Variants in SYNDIG1 observed in about 807,000 individuals in gnomAD.
The protein encoded by SYNDIG1 is synapse differentiation-inducing gene protein 1.
Under a neutral mutation model 19.4 loss-of-function variants are expected in SYNDIG1, and 9 were observed. The ratio of observed to expected loss-of-function variants is 0.46; its 90% confidence interval spans 0.28 to 0.81. The LOEUF is 0.81. SYNDIG1 is among the 30% of genes least tolerant of loss of function. SYNDIG1 has a pLI of 0.12. For synonymous variants in SYNDIG1, 141 were observed against 145.9 expected (o/e 0.97, Z 0.24); for missense variants, 311 against 343.3 (o/e 0.91, Z 0.74).
At chr20:24,571,237 C>G (rs535963849) in intron 2 of SYNDIG1, among the ~76,000 whole-genome samples, 2 of 152,300 alleles carry the variant, frequency 1.3e-5, no homozygotes, top group African/African-American at 4.8e-5. Context: ...CTACACACTG[C>G]AAACACACAC....
intron 3 of SYNDIG1, among the ~76,000 whole-genome samples, chr20:24,599,468 A>T (rs2058645670): frequency 6.6e-6 from 1 of 152,238 alleles, no homozygotes. Context: ...TTGACCCAGC[A>T]ATCCCACTAC....
intron 3 of SYNDIG1, among the ~76,000 whole-genome samples, chr20:24,593,041 C>T (rs552347547): frequency 6.6e-6 from 1 of 152,218 alleles, no homozygotes; most frequent in Admixed American, 6.5e-5. Context: ...ACACTCTGGC[C>T]CACTGCTGCT....
intron 1 of SYNDIG1, among the ~76,000 whole-genome samples, chr20:24,531,407 C>T (rs2057256379): frequency 6.6e-6 from 1 of 151,542 alleles, no homozygotes. Flanking sequence ...GTAGGGTGGG[C>T]GAGACATAGA....
intron 2 of SYNDIG1, among the ~76,000 whole-genome samples, chr20:24,578,969 C>T (rs573274818): frequency 1.3e-5 from 2 of 152,310 alleles, no homozygotes; most frequent in East Asian, 1.9e-4. Context: ...TGAGAGTGGC[C>T]GGCACGCAGG....
chr20:24,559,978 T>C (rs6036838), intron 2 of SYNDIG1, among the ~76,000 whole-genome samples: 1 of 150,924 alleles, frequency 6.6e-6, no homozygotes, highest in Non-Finnish European at 1.5e-5. Flanking sequence ...CTTGAATCTA[T>C]AACTTTTTTC....
At chr20:24,625,789 C>T (rs1045893035) in intron 3 of SYNDIG1, among the ~76,000 whole-genome samples, 1 of 152,256 alleles carries the variant, frequency 6.6e-6, no homozygotes, top group Non-Finnish European at 1.5e-5. Context: ...AGCAACCATC[C>T]AATTTCTCAA....
At position 24,585,004 on chromosome 20, in the gene SYNDIG1, C is replaced by T. The variant is rs924832515; in HGVS notation, c.618+11C>T. ...TACTTGTCCCATGAGGTAAGGCCTCCTTGGTCTGTCGCACGTGGTGTGCAG... is the reference window on the plus strand; with the variant it reads ...TACTTGTCCCATGAGGTAAGGCCTCTTTGGTCTGTCGCACGTGGTGTGCAG... On this transcript the variant is annotated intron_variant, in intron 3 of 3. Coordinates refer to ENST00000376862, the MANE Select transcript of SYNDIG1 (RefSeq NM_024893.3). 1 of 1,495,956 alleles carries T rather than the reference C, an allele frequency of 6.7e-7. No individual in the cohort carries two copies. Among genetic ancestry groups the T allele is most frequent in the African/African-American group, 1.4e-5 (1 of 69,470 alleles). 92.7% of individuals were successfully genotyped at this position (1,495,956 alleles called of 1,614,324 possible). A position where few individuals can be genotyped will look rare whatever the true frequency, so the allele number is the denominator to read the frequency against.
chr20:24,537,301 A>T (rs1224427324), intron 1 of SYNDIG1, among the ~76,000 whole-genome samples: 1 of 152,236 alleles, frequency 6.6e-6, no homozygotes, highest in African/African-American at 2.4e-5. Context: ...AATGAATCAC[A>T]TGCACCCATC....
At chr20:24,567,372 C>T (rs547992408) in intron 2 of SYNDIG1, among the ~76,000 whole-genome samples, 1 of 152,180 alleles carries the variant, frequency 6.6e-6, no homozygotes, top group African/African-American at 2.4e-5. Flanking sequence ...ACCTGGCTGT[C>T]TCATTTTAAG....
At chr20:24,569,888 A>T (rs1208334205) in intron 2 of SYNDIG1, among the ~76,000 whole-genome samples, 1 of 152,220 alleles carries the variant, frequency 6.6e-6, no homozygotes, top group Non-Finnish European at 1.5e-5. Context: ...GTAGAACCTA[A>T]GTGATGAATA....
chr20:24,635,718 C>T (rs2059308354), intron 3 of SYNDIG1, among the ~76,000 whole-genome samples: 2 of 152,270 alleles, frequency 1.3e-5, no homozygotes, highest in Middle Eastern at 3.4e-3. Context: ...TCTTGTTTTT[C>T]AGAGCACCCT....
chr20:24,622,226 A>G (rs2059050501), intron 3 of SYNDIG1, among the ~76,000 whole-genome samples: 1 of 152,262 alleles, frequency 6.6e-6, no homozygotes, highest in African/African-American at 2.4e-5. Flanking sequence ...CAAAGAAATG[A>G]ATAATTTTTT....
At chr20:24,664,085 G>A (rs959772304) in intron 3 of SYNDIG1, among the ~76,000 whole-genome samples, 1 of 151,994 alleles carries the variant, frequency 6.6e-6, no homozygotes, top group Non-Finnish European at 1.5e-5. Flanking sequence ...AAAAAGTTGG[G>A]GAGGAAAAAA....
chr20:24,497,893 A>G (rs1220822824), intron 1 of SYNDIG1, among the ~76,000 whole-genome samples: 1 of 152,244 alleles, frequency 6.6e-6, no homozygotes, highest in East Asian at 1.9e-4. Context: ...ATGGAAAACA[A>G]TGGCTAAGTG....
At chr20:24,601,081 T>G (rs985585918) in intron 3 of SYNDIG1, among the ~76,000 whole-genome samples, 3 of 152,248 alleles carry the variant, frequency 2.0e-5, no homozygotes, top group Non-Finnish European at 4.4e-5. Flanking sequence ...AAGCTTTTTG[T>G]GCAAATGGAA....
At chr20:24,473,277 A>C (rs1195469386) in intron 1 of SYNDIG1, among the ~76,000 whole-genome samples, 1 of 152,202 alleles carries the variant, frequency 6.6e-6, no homozygotes, top group African/African-American at 2.4e-5. Flanking sequence ...CACTGATAGA[A>C]GTTTTTGGAG....
chr20:24,476,397 G>C (rs968728446), intron 1 of SYNDIG1, among the ~76,000 whole-genome samples: 1 of 152,120 alleles, frequency 6.6e-6, no homozygotes, highest in African/African-American at 2.4e-5. Context: ...GCCGGGCGCG[G>C]TGGCTTACGC....
intron 3 of SYNDIG1, among the ~76,000 whole-genome samples, chr20:24,646,135 C>A (rs1487690593): frequency 6.6e-6 from 1 of 152,180 alleles, no homozygotes; most frequent in African/African-American, 2.4e-5. Context: ...TCAAGTCCAG[C>A]ATCTCATTTT....
chr20:24,622,822 A>G (rs1387536361), intron 3 of SYNDIG1, among the ~76,000 whole-genome samples: 2 of 152,226 alleles, frequency 1.3e-5, no homozygotes, highest in African/African-American at 4.8e-5. Context: ...AATATTAGTC[A>G]TAGACACCAA....
Sources: gnomAD v4.1 joint callset for allele counts (sites outside exome capture counted in the v4.1 genomes callset) on GRCh38, gnomAD v4.1.1 for gene constraint, MANE v1.5 for transcripts, NCBI Gene and HGNC (gene_info 2026-07-23, HGNC 2026-07-21) for gene names.